The following MYH7B variants were observed in gnomAD, a reference collection of about 807,000 sequenced individuals.
MYH7B encodes myosin heavy chain 7B.
In MYH7B, 205 loss-of-function variants were observed where a neutral mutation model predicts 234.5. The ratio of observed to expected loss-of-function variants is 0.87; its 90% confidence interval spans 0.78 to 0.98. MYH7B has a LOEUF of 0.98. MYH7B is among the 50% of genes least tolerant of loss of function. MYH7B has a pLI of 0.00. For synonymous variants in MYH7B, 1,193 were observed against 1,105.0 expected, an observed-to-expected ratio of 1.08 and a Z score of -1.58; for missense variants, 2,652 against 2,633.4, an observed-to-expected ratio of 1.01 and a Z score of -0.15.
At position 34,997,067 on chromosome 20, in the gene MYH7B, ACT is replaced by A. The variant is rs1267581264; in HGVS notation, c.3267-13_3267-12del. On this transcript the variant is annotated splice_polypyrimidine_tract_variant and intron_variant, in intron 30 of 44. Transcript: ENST00000262873. ...GAGTTAAGGCCTGTGCTGGCCACCC[ACT>A]CTGTGGCTCCCAGGAAGGACTCCGA... 4 of 1,542,748 alleles carry A rather than the reference ACT, an allele frequency of 2.6e-6. No individual in the cohort carries two copies. The African/African-American group carries it at 5.7e-5, about 22-fold the overall frequency.
In MYH7B at chr20:34,984,685, C is replaced by T. The variant is rs781652005; in HGVS notation, c.625-7C>T. ...GCCCTCTAATGTTGTCTGTCTTCTT[C>T]CCCCAGCAATTTCTGGCAACAAAGA... is the stretch of plus-strand genomic sequence containing the variant. On this transcript the variant is annotated splice_polypyrimidine_tract_variant and splice_region_variant and intron_variant, in intron 10 of 44. Transcript: ENST00000262873. The T allele has an allele frequency of 6.4e-7, 1 of 1,568,422 alleles. No homozygotes were observed. Among genetic ancestry groups the T allele is most frequent in the South Asian group, 1.1e-5 (1 of 89,424 alleles).
At chr20:35,002,191 G>A (rs2147253020) in exon 45 of MYH7B, 1 of 1,537,662 alleles carries the variant, frequency 6.5e-7, no homozygotes, top group African/African-American at 1.4e-5. Flanking sequence ...AGGAGTGACG[G>A]CCTGACCCCC....
chr20:34,957,387 G>A (rs921437945), intron 1 of MYH7B, among the ~76,000 whole-genome samples: 7 of 152,094 alleles, frequency 4.6e-5, no homozygotes, highest in African/African-American at 1.7e-4. Flanking sequence ...CAGCTGTGGA[G>A]ATGGAGCGAA....
Position 34,999,184 on chromosome 20 carries a change from A to AG in MYH7B, c.4320dup (p.Arg1441AlafsTer60). 3 of 1,613,566 alleles carry AG rather than the reference A, an allele frequency of 1.9e-6. No homozygotes were observed. The highest frequency in any genetic ancestry group is 2.5e-6 in the Non-Finnish European group (3 of 1,179,896). ...TCAGAGGATGTAACCCTGGAGCTGGAGCGGGCGACCTCAGCAGCTGCTGCG... is the reference window on the plus strand; with the variant it reads ...TCAGAGGATGTAACCCTGGAGCTGGAGGCGGGCGACCTCAGCAGCTGCTGCG... On this transcript the variant is annotated frameshift_variant, in exon 36 of 45. Transcript: ENST00000262873. LOFTEE classifies it high-confidence loss of function.
intron 4 of MYH7B, 55 bp from the exon 5 acceptor site, chr20:34,977,879 T>C: frequency 6.2e-7 from 1 of 1,607,546 alleles, no homozygotes; most frequent in South Asian, 1.1e-5. Context: ...TATCTGGTCT[T>C]GTGGGTTGGG....
chr20:34,989,401 CTTTT>C (rs759907538), intron 19 of MYH7B, among the ~76,000 whole-genome samples: 1 of 152,104 alleles, frequency 6.6e-6, no homozygotes, highest in African/African-American at 2.4e-5. Flanking sequence ...AACTTGATGG[CTTTT>C]TTTGACTTAC....
At chr20:34,989,440 GGCTGTGGCGGGGGTGAGA>G (rs1389098164) in intron 19 of MYH7B, among the ~76,000 whole-genome samples, 4 of 152,214 alleles carry the variant, frequency 2.6e-5, no homozygotes, top group Non-Finnish European at 5.9e-5. Context: ...TGACAGCCAT[GGCTGTGGCGGGGGTGAGA>G]GTGGGTACAG....
chr20:34,963,283 A>G (rs545978076), intron 2 of MYH7B, among the ~76,000 whole-genome samples: 1 of 152,332 alleles, frequency 6.6e-6, no homozygotes, highest in East Asian at 1.9e-4. Context: ...TACTTGTCTG[A>G]TTGTGGCCAT....
intron 22 of MYH7B, 182 bp downstream of exon 22, chr20:34,990,492 C>A: frequency 1.1e-6 from 1 of 905,048 alleles, no homozygotes; most frequent in Non-Finnish European, 1.9e-6. Flanking sequence ...GCTGCCTGGG[C>A]AGGGTTTGTG....
At chr20:34,998,968 T>C in intron 35 of MYH7B, 53 bp downstream of exon 35, 1 of 1,585,346 alleles carries the variant, frequency 6.3e-7, no homozygotes, top group Non-Finnish European at 8.6e-7. Context: ...TGCCTGTGCC[T>C]GAGCCCCGCT....
chr20:34,963,184 G>A (rs868689244), intron 2 of MYH7B, among the ~76,000 whole-genome samples: 15 of 152,348 alleles, frequency 9.8e-5, no homozygotes, highest in African/African-American at 3.6e-4. Flanking sequence ...TACATGCTCA[G>A]TACAGTTGAA....
chr20:34,961,652 TCTC>T (rs1421655192), intron 2 of MYH7B, among the ~76,000 whole-genome samples: 27 of 152,166 alleles, frequency 1.8e-4, no homozygotes, highest in African/African-American at 5.8e-4. Context: ...ACTCCACAAT[TCTC>T]CTTCTCCCCA....
intron 10 of MYH7B, among the ~76,000 whole-genome samples, chr20:34,983,353 T>G (rs985319669): frequency 4.5e-5 from 6 of 133,934 alleles, no homozygotes; most frequent in Non-Finnish European, 1.0e-4. Context: ...TGTCTTGATT[T>G]TTGATTTTCA....
chr20:35,001,729 T>C, intron 43 of MYH7B: 1 of 861,798 alleles, frequency 1.2e-6, no homozygotes, highest in Non-Finnish European at 1.8e-6. Context: ...TGGCCAAGGC[T>C]GGGGCTGCCT....
chr20:34,963,528 G>A (rs2081716742), intron 2 of MYH7B, among the ~76,000 whole-genome samples: 1 of 152,134 alleles, frequency 6.6e-6, no homozygotes, highest in African/African-American at 2.4e-5. Context: ...CCCATTCTGT[G>A]GATGGTCTTT....
chr20:34,989,612 C>G, intron 19 of MYH7B, 128 bp from the exon 20 acceptor site: 4 of 925,860 alleles, frequency 4.3e-6, no homozygotes, highest in Non-Finnish European at 6.3e-6. Flanking sequence ...TCTGACCATC[C>G]GGGGAGATGG....
At chr20:34,996,397 C>G in exon 29 of MYH7B, 1 of 1,611,862 alleles carries the variant, frequency 6.2e-7, no homozygotes, top group Non-Finnish European at 8.5e-7. Flanking sequence ...AGTGGCCCGG[C>G]TGACCAAGGA....
Position 35,000,697 on chromosome 20 carries a change from C to T in MYH7B, c.5178+8C>T. 7 of 1,597,418 alleles carry T rather than the reference C, an allele frequency of 4.4e-6. No homozygotes were observed. Among genetic ancestry groups the T allele is most frequent in the South Asian group, 1.1e-5 (1 of 88,992 alleles). On this transcript the variant is annotated splice_region_variant and intron_variant, in intron 39 of 44. Coordinates refer to ENST00000262873, the Ensembl canonical transcript of MYH7B. ...AACCTTCTGCATTCGCAGGTGGGGA[C>T]AGGAGTCCCTGGGGACAGAGCAGGT...
chr20:34,973,622 C>T (rs1037478195), intron 2 of MYH7B, among the ~76,000 whole-genome samples: 1 of 152,238 alleles, frequency 6.6e-6, no homozygotes, highest in Admixed American at 6.5e-5. Context: ...TCTCCCGCTG[C>T]TGATGGGCTG....
Sources: gnomAD v4.1 joint callset for allele counts (sites outside exome capture counted in the v4.1 genomes callset) on GRCh38, gnomAD v4.1.1 for gene constraint, MANE v1.5 for transcripts, NCBI Gene and HGNC (gene_info 2026-07-23, HGNC 2026-07-21) for gene names.